PEX5: variants seen among roughly 807,000 people sequenced by gnomAD.
PEX5 encodes the protein peroxisomal biogenesis factor 5.
A neutral mutation model predicts 82.9 loss-of-function variants in PEX5; 52 were observed. The ratio of observed to expected loss-of-function variants is 0.63; its 90% CI spans 0.50 to 0.79. The LOEUF (loss-of-function observed/expected upper bound fraction) is 0.79. PEX5 is among the 30% of genes least tolerant of loss of function. The pLI is 0.00. For missense variants in PEX5, 719 were observed against 815.2 expected (o/e 0.88, Z 1.44); for synonymous variants, 300 against 318.8 (o/e 0.94, Z 0.63).
chr12:7,189,332 G>C (rs1295256829), upstream of PEX5: 3 of 152,250 alleles, frequency 2.0e-5, no homozygotes, highest in Non-Finnish European at 2.9e-5. Flanking sequence ...AAAGGGCACT[G>C]AATCCCCTTA....
downstream of PEX5, among the ~76,000 whole-genome samples, chr12:7,214,507 A>G (rs1444110187): frequency 2.8e-5 from 4 of 142,236 alleles, no homozygotes; most frequent in African/African-American, 7.8e-5. Flanking sequence ...ATAGGTGGGA[A>G]TTGAACAATA....
chr12:7,199,656 T>C (rs945877073), intron 6 of PEX5, among the ~76,000 whole-genome samples: 7 of 150,316 alleles, frequency 4.7e-5, no homozygotes, highest in African/African-American at 1.2e-4. Flanking sequence ...TCCCCACCTT[T>C]CCCCCTTTTC....
At chr12:7,201,134 T>C (rs893998843) in intron 6 of PEX5, among the ~76,000 whole-genome samples, 1 of 97,964 alleles carries the variant, frequency 1.0e-5, no homozygotes, top group Non-Finnish European at 2.2e-5. Context: ...CATGTGTGCG[T>C]GCACACACAC....
At chr12:7,214,811 T>C (rs1466497063), downstream of PEX5, among the ~76,000 whole-genome samples, 1 of 152,148 alleles carries the variant, frequency 6.6e-6, no homozygotes, top group African/African-American at 2.4e-5. Context: ...ATGTTGAAAC[T>C]AATTTCTTTG....
intron 17 of PEX5, chr12:7,218,382 AC>A (rs2136299869): frequency 6.6e-6 from 1 of 152,160 alleles, no homozygotes; most frequent in South Asian, 2.1e-4. Context: ...TATTCAATTT[AC>A]CCATTTGTTT....
At chr12:7,204,631 CTT>C (rs1944534245) in intron 10 of PEX5, among the ~76,000 whole-genome samples, 1 of 152,154 alleles carries the variant, frequency 6.6e-6, no homozygotes, top group Non-Finnish European at 1.5e-5. Flanking sequence ...ATAGATAACA[CTT>C]TTGTTATTAT....
At position 7,189,757 on chromosome 12, in the gene PEX5, G is replaced by T. The variant is rs975621719; in HGVS notation, c.-17+7G>T. The T allele has an allele frequency of 4.4e-6, 2 of 457,284 alleles. No individual in the cohort carries two copies. Among genetic ancestry groups the T allele is most frequent in the Non-Finnish European group, 3.5e-6 (1 of 284,910 alleles). 28.3% of individuals were successfully genotyped at this position (457,284 alleles called of 1,614,324 possible). ...TGCGGCGCGGCGCTCCGCGGTGAGC[G>T]CCTGACCCCGAGGGGGCCCGGGGCC... On this transcript the variant is annotated splice_region_variant and intron_variant, in intron 1 of 15. Transcript: ENST00000675855.
intron 1 of PEX5, chr12:7,190,085 G>A: frequency 1.6e-5 from 24 of 1,492,952 alleles, no homozygotes; most frequent in Non-Finnish European, 2.1e-5. Flanking sequence ...GCCCCTTTGT[G>A]GAGGCAGCTG....
intron 1 of PEX5, chr12:7,190,148 G>A: frequency 6.7e-7 from 1 of 1,488,282 alleles, no homozygotes; most frequent in Non-Finnish European, 8.9e-7. Flanking sequence ...AGAGGCGCAG[G>A]CTGGAAGCGG....
At chr12:7,208,878 A>G (rs1197136678) in intron 13 of PEX5, 127 bp from the exon 14 acceptor site, 1 of 981,484 alleles carries the variant, frequency 1.0e-6, no homozygotes, top group African/African-American at 1.6e-5. Flanking sequence ...GGACTTTGAG[A>G]GTAGAAGAGA....
chr12:7,200,119 C>A (rs1218127431), intron 6 of PEX5, among the ~76,000 whole-genome samples: 7 of 149,918 alleles, frequency 4.7e-5, no homozygotes, highest in African/African-American at 1.2e-4. Flanking sequence ...CGGAGACGCT[C>A]CTCACTTCCC....
chr12:7,192,526 T>C (rs755215997), intron 5 of PEX5, among the ~76,000 whole-genome samples: 72 of 152,372 alleles, frequency 4.7e-4, no homozygotes, highest in African/African-American at 1.7e-3. Context: ...TAAGCCTATC[T>C]AATCAGGTAC....
intron 9 of PEX5, 55 bp from the exon 10 acceptor site, chr12:7,203,377 G>A: frequency 6.4e-7 from 1 of 1,567,030 alleles, no homozygotes; most frequent in South Asian, 1.2e-5. Flanking sequence ...GCTGAGTGTG[G>A]GGTGGGGTGG....
intron 6 of PEX5, among the ~76,000 whole-genome samples, chr12:7,200,054 C>T (rs1487519245): frequency 1.0e-4 from 9 of 86,616 alleles, no homozygotes; most frequent in African/African-American, 2.5e-4. Context: ...GACGGGGCGG[C>T]TGGCCGGGCG....
rs1565689027 is a variant in PEX5 at position 7,197,440 on chromosome 12, T to TTGTTATATATAATGTAATAATTATA, written c.449-1570_449-1569insGTTATATATAATGTAATAATTATAT. On this transcript the variant is annotated intron_variant, in intron 5 of 15. Transcript: ENST00000675855. The stretch of plus-strand genomic sequence containing the variant: ...TAATTATATGTCATATACAATGTAA[T>TTGTTATATATAATGTAATAATTATA]TATGTTATATATAATGTAATAATTA... 1.6e-3 allele frequency among the ~76,000 whole-genome samples: 144 copies of TTGTTATATATAATGTAATAATTATA among 89,118 alleles called. 5 individuals carry two copies. Among genetic ancestry groups the TTGTTATATATAATGTAATAATTATA allele is most frequent in the African/African-American group, 5.2e-3 (140 of 26,680 alleles). The allele number at this position is 89,118 out of a possible 152,430, so 58.5% of individuals were successfully genotyped here.
chr12:7,198,045 G>GT (rs1555176636), intron 5 of PEX5, among the ~76,000 whole-genome samples: 44 of 149,404 alleles, frequency 2.9e-4, no homozygotes, highest in African/African-American at 4.9e-4. Flanking sequence ...CAGTCTCCTT[G>GT]TTTTTTTTTT....
chr12:7,193,399 A>G (rs1941525722), intron 5 of PEX5, among the ~76,000 whole-genome samples: 2 of 151,878 alleles, frequency 1.3e-5, no homozygotes, highest in African/African-American at 2.4e-5. Context: ...ATGCCCGGCT[A>G]ATTTTGGTAT....
In PEX5 at chr12:7,209,129, G is replaced by T. The variant is rs761012933; in HGVS notation, c.1519G>T (p.Ala507Ser). 6.2e-7 allele frequency: 1 copy of T among 1,614,094 alleles called. No homozygotes were observed. Residue 507 changes from alanine (A) to serine (S), a missense_variant, in exon 14 of 16, where the codon GCC becomes TCC. Ala to Ser is a moderately conservative substitution (Grantham distance 99). Transcript: ENST00000675855. ...LFNLSGEYDK[A>S]VDCFTAALSV... is the part of the protein sequence containing the mutation. ...CAACCTGAGTGGGGAGTATGACAAGGCCGTGGACTGCTTCACAGCTGCCCT... is the reference window on the plus strand; with the variant it reads ...CAACCTGAGTGGGGAGTATGACAAGTCCGTGGACTGCTTCACAGCTGCCCT...
At chr12:7,202,123 T>C in intron 7 of PEX5, 118 bp from the exon 8 acceptor site, 1 of 1,500,788 alleles carries the variant, frequency 6.7e-7, no homozygotes, top group South Asian at 1.1e-5. Context: ...TTAGCATATC[T>C]TGTCTGCAGC....
Sources: allele counts gnomAD v4.1 joint callset (sites outside exome capture counted in the v4.1 genomes callset), GRCh38; gene constraint gnomAD v4.1.1; transcripts MANE v1.5; gene names NCBI Gene and HGNC (gene_info 2026-07-23, HGNC 2026-07-21).